The following SH3BP1 variants were observed in gnomAD, a reference collection of about 807,000 sequenced individuals.
The protein encoded by SH3BP1 is SH3 domain-binding protein 1.
SH3BP1 carries 46 observed loss-of-function variants against 69.8 expected under a neutral mutation model. The ratio of observed to expected loss-of-function variants is 0.66; its 90% CI spans 0.52 to 0.84. The LOEUF is 0.84. Among genes scored for constraint, SH3BP1 ranks in the 40% least tolerant of loss-of-function variants. The pLI is 0.00. For missense variants in SH3BP1, 868 were observed against 930.9 expected (o/e 0.93, Z 0.88); for synonymous variants, 403 against 378.0 (o/e 1.07, Z -0.77).
intron 11 of SH3BP1, 106 bp from the exon 12 acceptor site, chr22:37,647,161 C>A: frequency 1.0e-6 from 1 of 1,002,366 alleles, no homozygotes; most frequent in Non-Finnish European, 1.5e-6. Context: ...AAGAAACTGT[C>A]AGACCTAGAC....
At chr22:37,649,933 GA>G in intron 14 of SH3BP1, 2 of 659,724 alleles carry the variant, frequency 3.0e-6, no homozygotes, top group Non-Finnish European at 5.6e-6. Flanking sequence ...CAACTATGAG[GA>G]AAAGGGTCCT....
Position 37,655,925 on chromosome 22 carries a change from G to A in SH3BP1, c.*241G>A. On this transcript the variant is annotated 3_prime_UTR_variant, in exon 18 of 18. Transcript: ENST00000649765. ...CCACCGGACTCTCCACTCTCCGGCA[G>A]GTCCTAGGGGAGCCACCGGAAGGAA... 2 of 1,569,986 alleles carry A rather than the reference G, an allele frequency of 1.3e-6. No homozygotes were observed. The highest frequency in any genetic ancestry group is 2.1e-4 in the Middle Eastern group (1 of 4,876).
In SH3BP1 at chr22:37,643,146, G is replaced by C; in HGVS notation, c.445G>C (p.Val149Leu). The C allele has an allele frequency of 2.5e-6, 4 of 1,608,354 alleles. No individual in the cohort carries two copies. Among genetic ancestry groups the C allele is most frequent in the Non-Finnish European group, 3.4e-6 (4 of 1,177,626 alleles). ...LKHKKSLQKL[V>L]SDWNTLKSRL... ...ACACAAGAAAAGCCTCCAGAAGCTC[G>C]TGTCCGACTGGAACACACTCAAGAG... Residue 149 changes from valine to leucine, a missense_variant, in exon 6 of 18, where the codon GTG becomes CTG. By Grantham distance (32) the Val-to-Leu change is conservative (BLOSUM62 1). Coordinates refer to ENST00000649765, the MANE Select transcript of SH3BP1 (RefSeq NM_018957.6).
Position 37,647,762 on chromosome 22 carries a change from G to A in SH3BP1, c.1199+241G>A, listed in dbSNP as rs566051060. Among the ~76,000 whole-genome samples, 274 of 151,460 alleles carry A rather than the reference G, an allele frequency of 1.8e-3. 1 individual carries two copies. The highest frequency in any genetic ancestry group is 6.4e-3 in the African/African-American group (262 of 41,164). On this transcript the variant is annotated intron_variant, in intron 13 of 17. Transcript: ENST00000649765. ...GCAGTCTTGGCTCACTGCAACCTCC[G>A]CCTCCTGGGTTCAAGCAGTTCTCCT...
rs764235580 is a variant in SH3BP1, at chr22:37,642,596, G to A, written c.265G>A (p.Asp89Asn). Residue 89 changes from aspartate to asparagine, a missense_variant, in exon 4 of 18, where the codon GAC becomes AAC. Physicochemically the swap from Asp to Asn is conservative, Grantham distance 23 (BLOSUM62 1). Coordinates refer to ENST00000649765, the MANE Select transcript of SH3BP1 (RefSeq NM_018957.6). ...TTMAESFKEL[D>N]PDSSMGKALE... ...GATGGCTGAGAGCTTCAAGGAGCTG[G>A]ACCCTGATTCCAGCATGGGGTGAGC... 6.2e-7 allele frequency: 1 copy of A among 1,613,412 alleles called. No individual in the cohort carries two copies.
Position 37,650,659 on chromosome 22 carries a change from C to T in SH3BP1, c.1532C>T (p.Pro511Leu), listed in dbSNP as rs929038. 8.3e-3 allele frequency: 13,409 copies of T among 1,613,504 alleles called. 1,008 individuals are homozygous for T. In the African/African-American group the frequency reaches 0.16, roughly 19 times the overall value. Residue 511 changes from proline to leucine, a missense_variant, in exon 16 of 18, where the codon CCG (proline) becomes CTG (leucine). Around this residue, in one of 3 missense-constraint regions of SH3BP1, gnomAD observed 474 missense variants for 462.3 expected, o/e 1.03. Coordinates refer to ENST00000649765, the MANE Select transcript of SH3BP1 (RefSeq NM_018957.6). ...STAVPTPATT[P>L]APAPAPAPAP... ...GCCGTGCCCACCCCAGCCACCACCC[C>T]GGCTCCGGCTCCGGCTCCAGCTCCA...
At chr22:37,646,782 C>G (rs758090370) in intron 10 of SH3BP1, 36 bp from the exon 11 acceptor site, 217 of 1,363,106 alleles carry the variant, frequency 1.6e-4, no homozygotes, top group Non-Finnish European at 2.0e-4. Context: ...CCTGCCCACC[C>G]CTCTGTGACC....
chr22:37,655,438 ACCCCCGTTACCC>A lies in SH3BP1; in HGVS notation c.1864_1875del (p.Pro622_Pro625del). 1 of 401,376 alleles carries A rather than the reference ACCCCCGTTACCC, an allele frequency of 2.5e-6. No homozygotes were observed. Among genetic ancestry groups the A allele is most frequent in the Non-Finnish European group, 3.5e-6 (1 of 287,098 alleles). The allele number at this position is 401,376 out of a possible 1,614,324, so 24.9% of individuals were successfully genotyped here. On this transcript the variant is annotated inframe_deletion, in exon 18 of 18. Coordinates refer to ENST00000649765, the MANE Select transcript of SH3BP1 (RefSeq NM_018957.6). The stretch of plus-strand genomic sequence containing the variant: ...GCAGCCTCCGAGCCCCCACAGTGCC[ACCCCCGTTACCC>A]CCCACACCCCCTCAGCCTGCCCGGC...
At chr22:37,650,045 A>G in intron 14 of SH3BP1, 107 bp from the exon 15 acceptor site, 1 of 1,242,940 alleles carries the variant, frequency 8.0e-7, no homozygotes, top group Non-Finnish European at 1.2e-6. Flanking sequence ...TTTTGAGAAC[A>G]AGGACTCAAT....
chr22:37,648,691 G>T, intron 14 of SH3BP1: 2 of 340,498 alleles, frequency 5.9e-6, no homozygotes, highest in Non-Finnish European at 5.4e-6. Context: ...GGAGCCCAGA[G>T]ATCGGGTTCT....
At position 37,641,172 on chromosome 22, in the gene SH3BP1, C is replaced by A; in HGVS notation, c.102+4C>A. ...CCTGGGTGAGGACCTGCTGCAGGTA[C>A]GTGCCTGGGCCGGGCAGGTGGGAAG... On this transcript the variant is annotated splice_donor_region_variant and intron_variant, in intron 2 of 17. Coordinates refer to ENST00000649765, the MANE Select transcript of SH3BP1 (RefSeq NM_018957.6). 6.5e-7 allele frequency: 1 copy of A among 1,542,600 alleles called. No individual in the cohort carries two copies. The highest frequency in any genetic ancestry group is 8.8e-7 in the Non-Finnish European group (1 of 1,142,690).
chr22:37,648,544 T>G, intron 14 of SH3BP1, 109 bp downstream of exon 14: 2 of 742,620 alleles, frequency 2.7e-6, no homozygotes, highest in Non-Finnish European at 4.6e-6. Context: ...TTGGAGTGGG[T>G]TGAGCAGCTC....
Position 37,639,700 on chromosome 22 carries a change from C to T in SH3BP1, c.-88C>T. 4 of 819,852 alleles carry T rather than the reference C, an allele frequency of 4.9e-6. No homozygotes were observed. Among genetic ancestry groups the T allele is most frequent in the Non-Finnish European group, 7.1e-6 (4 of 562,984 alleles). 50.8% of individuals were successfully genotyped at this position (819,852 alleles called of 1,614,324 possible). The stretch of plus-strand genomic sequence containing the variant: ...GCCGCCCACCCATCCGGGGCAAGAG[C>T]CGCGCCGCAGGAGAGGCAGGCTGGA... On this transcript the variant is annotated 5_prime_UTR_variant, in exon 1 of 18. Coordinates refer to ENST00000649765, the MANE Select transcript of SH3BP1 (RefSeq NM_018957.6).
chr22:37,651,483 C>A (rs1293075868), intron 16 of SH3BP1, among the ~76,000 whole-genome samples: 1 of 151,694 alleles, frequency 6.6e-6, no homozygotes, highest in Non-Finnish European at 1.5e-5. Flanking sequence ...GCGTGCACCA[C>A]CATAGCCGGC....
At chr22:37,642,343 G>A (rs780126008) in intron 3 of SH3BP1, 196 bp from the exon 4 acceptor site, 15 of 585,106 alleles carry the variant, frequency 2.6e-5, no homozygotes, top group Admixed American at 5.8e-5. Context: ...GAAAGGGCAC[G>A]CCAGATGGAG....
At chr22:37,645,540 A>G (rs762664903) in intron 10 of SH3BP1, 30 bp downstream of exon 10, 1 of 1,588,534 alleles carries the variant, frequency 6.3e-7, no homozygotes, top group Admixed American at 1.7e-5. Context: ...GTGGGGAAGG[A>G]GCACTGGGGC....
intron 14 of SH3BP1, among the ~76,000 whole-genome samples, chr22:37,649,677 G>A (rs181905626): frequency 1.6e-3 from 239 of 152,202 alleles, no homozygotes; most frequent in African/African-American, 5.2e-3. Context: ...CCAGCTACTC[G>A]GGAGGCTGAG....
At chr22:37,643,526 G>A (rs1487811949) in intron 6 of SH3BP1, 118 bp from the exon 7 acceptor site, 3 of 1,412,978 alleles carry the variant, frequency 2.1e-6, no homozygotes, top group African/African-American at 2.8e-5. Context: ...GGCCAGTGGA[G>A]CTCTCAGATC....
At chr22:37,646,103 A>T (rs1336972568) in intron 10 of SH3BP1, among the ~76,000 whole-genome samples, 1 of 150,582 alleles carries the variant, frequency 6.6e-6, no homozygotes, top group East Asian at 2.0e-4. Context: ...AGTAGCTGGG[A>T]CTACAGGCAT....
Sources: gnomAD v4.1 joint callset for allele counts (sites outside exome capture counted in the v4.1 genomes callset) on GRCh38, gnomAD v4.1.1 for gene constraint, gnomAD v4.1.1 regional missense constraint, MANE v1.5 for transcripts, NCBI Gene and HGNC (gene_info 2026-07-23, HGNC 2026-07-21) for gene names.